The following DLGAP2 variants were observed in gnomAD, a reference collection of about 807,000 sequenced individuals.
DLGAP2 encodes DLG associated protein 2, also known as disks large-associated protein 2.
In DLGAP2, 26 loss-of-function variants were observed where a neutral mutation model predicts 100.3. That is an observed-to-expected ratio of 0.26 (90% CI 0.19 to 0.36). The LOEUF (loss-of-function observed/expected upper bound fraction) is 0.36. DLGAP2 is among the 10% of genes least tolerant of loss of function. The probability of loss-of-function intolerance (pLI) is 1.00; values close to 1 mark genes in which losing one functional copy is unlikely to be tolerated. For synonymous variants in DLGAP2, 886 were observed against 630.1 expected (o/e 1.41, Z -6.08); for missense variants, 1,858 against 1,453.2 (o/e 1.28, Z -4.53).
At chr8:865,507 G>C (rs554002204) in intron 1 of DLGAP2, among the ~76,000 whole-genome samples, 3 of 152,168 alleles carry the variant, frequency 2.0e-5, no homozygotes, top group African/African-American at 7.2e-5. Context: ...CCCCGGGGCT[G>C]AGTTTACTTT....
intron 2 of DLGAP2, among the ~76,000 whole-genome samples, chr8:1,064,004 T>C (rs1256506436): frequency 1.3e-5 from 2 of 152,142 alleles, no homozygotes; most frequent in African/African-American, 4.8e-5. Context: ...ATACGCAGGA[T>C]GACATGGTTC....
At chr8:1,344,155 G>A (rs1224004555) in intron 3 of DLGAP2, among the ~76,000 whole-genome samples, 4 of 150,642 alleles carry the variant, frequency 2.7e-5, no homozygotes, top group Non-Finnish European at 5.9e-5. Context: ...GGGCCCTGTC[G>A]TGGGTCTTTG....
intron 1 of DLGAP2, among the ~76,000 whole-genome samples, chr8:773,326 CTT>C (rs34973201): frequency 2.5e-4 from 36 of 146,906 alleles, no homozygotes; most frequent in Admixed American, 4.8e-4. Context: ...TTAATCACTT[CTT>C]TTTTTTTTTT....
intron 1 of DLGAP2, among the ~76,000 whole-genome samples, chr8:877,052 G>A (rs1797699122): frequency 6.8e-6 from 1 of 147,826 alleles, no homozygotes; most frequent in Non-Finnish European, 1.5e-5. Context: ...TACCTCTTCA[G>A]TCATAGTCTC....
intron 1 of DLGAP2, among the ~76,000 whole-genome samples, chr8:874,590 T>A (rs551304618): frequency 5.9e-5 from 9 of 152,340 alleles, no homozygotes; most frequent in Admixed American, 1.3e-4. Flanking sequence ...TGTATCATTT[T>A]AAATTTATTT....
At chr8:1,336,279 A>T (rs967628673) in intron 3 of DLGAP2, among the ~76,000 whole-genome samples, 1 of 152,222 alleles carries the variant, frequency 6.6e-6, no homozygotes, top group African/African-American at 2.4e-5. Flanking sequence ...CAGTCAAGCA[A>T]CTCTGAGATC....
At chr8:1,140,705 C>G (rs374189363) in intron 2 of DLGAP2, among the ~76,000 whole-genome samples, 1 of 152,214 alleles carries the variant, frequency 6.6e-6, no homozygotes, top group East Asian at 1.9e-4. Context: ...GGCACAATGA[C>G]TCATACCTGT....
chr8:1,463,962 T>G (rs1798533096), intron 3 of DLGAP2, among the ~76,000 whole-genome samples: 1 of 152,152 alleles, frequency 6.6e-6, no homozygotes, highest in South Asian at 2.1e-4. Context: ...AGGAAAAATA[T>G]CAGGCACATA....
chr8:1,408,243 C>G (rs1443870835), intron 3 of DLGAP2, among the ~76,000 whole-genome samples: 4 of 152,236 alleles, frequency 2.6e-5, no homozygotes, highest in East Asian at 3.9e-4. Flanking sequence ...CCAACTCATT[C>G]TCCACTTTCC....
At chr8:855,929 C>G (rs1585937081) in intron 1 of DLGAP2, among the ~76,000 whole-genome samples, 1 of 152,044 alleles carries the variant, frequency 6.6e-6, no homozygotes, top group Non-Finnish European at 1.5e-5. Flanking sequence ...CTAACCACCC[C>G]CCAACAGCTA....
At chr8:1,181,889 C>A (rs1057321736) in intron 2 of DLGAP2, among the ~76,000 whole-genome samples, 2 of 152,176 alleles carry the variant, frequency 1.3e-5, no homozygotes, top group African/African-American at 2.4e-5. Context: ...ATCGTCCCTG[C>A]AATCCCAGGA....
chr8:1,631,093 A>C (rs1797634114), intron 7 of DLGAP2, among the ~76,000 whole-genome samples: 1 of 151,838 alleles, frequency 6.6e-6, no homozygotes, highest in African/African-American at 2.4e-5. Context: ...AGATCATTTT[A>C]ATTCCCTGCT....
chr8:1,173,388 A>C (rs1041157630), intron 2 of DLGAP2, among the ~76,000 whole-genome samples: 2 of 152,168 alleles, frequency 1.3e-5, no homozygotes, highest in African/African-American at 4.8e-5. Flanking sequence ...GCTGTGTGCT[A>C]GGAGAACCAC....
intron 3 of DLGAP2, among the ~76,000 whole-genome samples, chr8:1,446,614 T>C (rs1797992312): frequency 6.6e-6 from 1 of 152,170 alleles, no homozygotes; most frequent in Non-Finnish European, 1.5e-5. Context: ...AGTAGTTTTT[T>C]CCAATTCTGT....
intron 6 of DLGAP2, among the ~76,000 whole-genome samples, chr8:1,598,146 G>T (rs1166117121): frequency 6.6e-6 from 1 of 152,180 alleles, no homozygotes; most frequent in East Asian, 1.9e-4. Context: ...CATTGGTTCT[G>T]TTTATGTGAT....
chr8:1,584,277 A>G (rs1286503085), intron 6 of DLGAP2, among the ~76,000 whole-genome samples: 1 of 151,650 alleles, frequency 6.6e-6, no homozygotes, highest in East Asian at 1.9e-4. Context: ...GAGCCTAAAC[A>G]TAAAGATAAT....
chr8:1,197,665 GGGCC>G, intron 2 of DLGAP2, among the ~76,000 whole-genome samples: 1 of 65,950 alleles, frequency 1.5e-5, no homozygotes, highest in East Asian at 4.7e-4. Flanking sequence ...TGGAGCATCT[GGGCC>G]ACCAGCTGTC....
rs138613137 is a variant in DLGAP2, at chr8:804,250, A to G, written c.18+66425A>G. Among the ~76,000 whole-genome samples the G allele has an allele frequency of 2.0e-4, 30 of 152,252 alleles. No homozygotes were observed. In the East Asian group the frequency reaches 2.1e-3, roughly 11 times the overall value. On this transcript the variant is annotated intron_variant, in intron 1 of 14. Coordinates refer to ENST00000637795, the MANE Select transcript of DLGAP2 (RefSeq NM_001346810.2). Reference sequence around the variant, plus strand: ...TTTCCTTGAAGTCTATTTTAGTCCAATGATTCTGGGGTTTTTAAGGAGACT... The same window carrying G: ...TTTCCTTGAAGTCTATTTTAGTCCAGTGATTCTGGGGTTTTTAAGGAGACT...
chr8:1,120,994 A>G (rs62486826), intron 2 of DLGAP2, among the ~76,000 whole-genome samples: 33,302 of 146,192 alleles, frequency 0.23, 4,320 homozygotes, highest in Admixed American at 0.31. Context: ...AGAACCCAAG[A>G]CCTCCCATCC....
Sources: gnomAD v4.1 joint callset for allele counts (sites outside exome capture counted in the v4.1 genomes callset) on GRCh38, gnomAD v4.1.1 for gene constraint, MANE v1.5 for transcripts, NCBI Gene and HGNC (gene_info 2026-07-23, HGNC 2026-07-21) for gene names.